The following USP9X variants were observed in gnomAD, a reference collection of about 807,000 sequenced individuals.
The protein encoded by USP9X is ubiquitin specific peptidase 9 X-linked.
Under a neutral mutation model 190.3 loss-of-function variants are expected in USP9X, and 7 were observed. The ratio of observed to expected loss-of-function variants is 0.04; its 90% confidence interval spans 0.02 to 0.07. The LOEUF (loss-of-function observed/expected upper bound fraction) is 0.07. Ranked by LOEUF, USP9X falls within the 10% of genes least tolerant of loss-of-function variation. The pLI, the probability that USP9X is intolerant of heterozygous loss-of-function variation, is 1.00. For missense variants in USP9X, 1,010 were observed against 1,916.9 expected, an observed-to-expected ratio of 0.53 and a Z score of 8.83; for synonymous variants, 645 against 659.5, an observed-to-expected ratio of 0.98 and a Z score of 0.34.
chrX:41,189,334 T>G lies in USP9X; in HGVS notation c.3836T>G (p.Leu1279Trp), dbSNP rs1464207950. The G allele has an allele frequency of 2.5e-6, 3 of 1,209,521 alleles. No homozygotes were observed. The highest frequency in any genetic ancestry group is 1.8e-5 in the South Asian group (1 of 56,669). Residue 1279 changes from leucine (L) to tryptophan (W), a missense_variant, in exon 26 of 45, where the codon TTG (leucine) becomes TGG (tryptophan). Physicochemically the swap from Leu to Trp is moderately conservative, Grantham distance 61. Coordinates refer to ENST00000378308, the MANE Select transcript of USP9X (RefSeq NM_001039591.3). ...ACCAATGCAGGCAATGAGCCAGACT[T>G]GGAAGACGAACAGGTTTGCTGTGAA... is the stretch of plus-strand genomic sequence containing the variant. ...EKTNAGNEPD[L>W]EDEQVCCEAL...
chrX:41,197,352 C>CG lies in USP9X; in HGVS notation c.4234-11dup. 1 of 988,230 alleles carries CG rather than the reference C, an allele frequency of 1.0e-6. No individual in the cohort carries two copies. The highest frequency in any genetic ancestry group is 1.3e-6 in the Non-Finnish European group (1 of 759,397). 81.4% of individuals were successfully genotyped at this position (988,230 alleles called of 1,213,427 possible). ...TTCTTCCCCCCCCCACCCCACCCCC[C>CG]GCCTTTGGCAGGATGATGTTAAAAG... On this transcript the variant is annotated splice_polypyrimidine_tract_variant and intron_variant, in intron 28 of 44. Transcript: ENST00000378308.
intron 11 of USP9X, among the ~76,000 whole-genome samples, chrX:41,145,676 T>C (rs1453897141): frequency 3.6e-5 from 4 of 111,930 alleles, no homozygotes; most frequent in Non-Finnish European, 7.5e-5. Context: ...CCGTGTATTA[T>C]TTTTTACCTG....
intron 15 of USP9X, among the ~76,000 whole-genome samples, chrX:41,163,092 A>G (rs1270569082): frequency 1.8e-5 from 2 of 112,123 alleles, no homozygotes; most frequent in Admixed American, 9.5e-5. Context: ...TAACCTTTAG[A>G]ATTGACTTCG....
At chrX:41,169,887 T>G in intron 18 of USP9X, 108 bp from the exon 19 acceptor site, 1 of 972,702 alleles carries the variant, frequency 1.0e-6, no homozygotes, top group African/African-American at 1.9e-5. Context: ...CACATCCTCT[T>G]GTTTAATAAG....
intron 12 of USP9X, among the ~76,000 whole-genome samples, chrX:41,149,613 C>CT (rs1338828537): frequency 2.7e-5 from 3 of 110,350 alleles, no homozygotes; most frequent in Non-Finnish European, 5.7e-5. Context: ...AGAGAAATTT[C>CT]TTCTCGGAAA....
intron 4 of USP9X, among the ~76,000 whole-genome samples, chrX:41,133,294 C>T (rs1344162838): frequency 9.0e-6 from 1 of 111,229 alleles, no homozygotes; most frequent in Non-Finnish European, 1.9e-5. Flanking sequence ...ATTTTTTGTT[C>T]TTTTATACGT....
At chrX:41,188,655 C>T (rs758411224) in intron 25 of USP9X, among the ~76,000 whole-genome samples, 2 of 111,732 alleles carry the variant, frequency 1.8e-5, no homozygotes, top group Admixed American at 9.5e-5. Context: ...GTTACAGGAA[C>T]TTCCCTGACT....
At chrX:41,126,463 C>T (rs955833641) in intron 2 of USP9X, among the ~76,000 whole-genome samples, 7 of 111,585 alleles carry the variant, frequency 6.3e-5, no homozygotes, top group African/African-American at 2.3e-4. Flanking sequence ...CCTGCATTGT[C>T]CATGGAATTC....
At chrX:41,159,464 T>A (rs769300116) in intron 14 of USP9X, among the ~76,000 whole-genome samples, 5 of 112,045 alleles carry the variant, frequency 4.5e-5, no homozygotes, top group Non-Finnish European at 9.4e-5. Flanking sequence ...TGAATGAACT[T>A]TGAAAACATT....
At chrX:41,100,947 A>G (rs1483918669) in intron 1 of USP9X, among the ~76,000 whole-genome samples, 1 of 110,895 alleles carries the variant, frequency 9.0e-6, no homozygotes, top group African/African-American at 3.3e-5. Context: ...CTCCTGTTTT[A>G]AAGATGATCA....
intron 5 of USP9X, 60 bp downstream of exon 5, chrX:41,134,897 A>G: frequency 1.1e-6 from 1 of 916,519 alleles, no homozygotes; most frequent in Non-Finnish European, 1.6e-6. Flanking sequence ...GTGAGTGGGA[A>G]GAGGTATATG....
chrX:41,117,855 G>A (rs542797858), intron 1 of USP9X, among the ~76,000 whole-genome samples: 1 of 106,469 alleles, frequency 9.4e-6, no homozygotes, highest in South Asian at 4.1e-4. Flanking sequence ...CACCACGCCC[G>A]GCCCTTTTTT....
At chrX:41,152,561 G>T (rs758533975) in intron 13 of USP9X, among the ~76,000 whole-genome samples, 62 of 111,718 alleles carry the variant, frequency 5.5e-4, no homozygotes, top group African/African-American at 1.9e-3. Context: ...CATTTTCTTT[G>T]ATTGAATTCT....
intron 16 of USP9X, among the ~76,000 whole-genome samples, chrX:41,166,715 A>G (rs982950178): frequency 8.9e-6 from 1 of 112,027 alleles, no homozygotes; most frequent in African/African-American, 3.2e-5. Flanking sequence ...GTACTACTCT[A>G]TTATGCCTAT....
At chrX:41,220,310 T>C (rs1483350356) in intron 38 of USP9X, among the ~76,000 whole-genome samples, 3 of 112,459 alleles carry the variant, frequency 2.7e-5, no homozygotes, top group East Asian at 5.6e-4. Flanking sequence ...TCAACTCTTT[T>C]AGATATTGCC....
At chrX:41,228,993 T>C (rs889925005) in intron 41 of USP9X, 4 of 205,763 alleles carry the variant, frequency 1.9e-5, no homozygotes, top group Non-Finnish European at 3.5e-5. Context: ...GGCACGTGCC[T>C]GTAGTTGGGC....
intron 3 of USP9X, among the ~76,000 whole-genome samples, chrX:41,130,709 C>G (rs1322601983): frequency 1.0e-5 from 1 of 100,407 alleles, no homozygotes; most frequent in Non-Finnish European, 2.0e-5. Context: ...TGGTCTTGAT[C>G]TCTTTTCTTT....
chrX:41,094,338 G>C (rs1036900243), intron 1 of USP9X, among the ~76,000 whole-genome samples: 1 of 109,098 alleles, frequency 9.2e-6, no homozygotes, highest in Non-Finnish European at 1.9e-5. Flanking sequence ...CACTATACCC[G>C]GCTAATTTTG....
intron 1 of USP9X, among the ~76,000 whole-genome samples, chrX:41,107,521 A>T (rs1036285034): frequency 8.9e-6 from 1 of 112,239 alleles, no homozygotes; most frequent in African/African-American, 3.2e-5. Flanking sequence ...TCTTGAATTT[A>T]TCCTACTTGG....
Sources: allele counts gnomAD v4.1 joint callset (sites outside exome capture counted in the v4.1 genomes callset), GRCh38; gene constraint gnomAD v4.1.1; transcripts MANE v1.5; gene names NCBI Gene and HGNC (gene_info 2026-07-23, HGNC 2026-07-21).